Variants in IARS2 observed in about 807,000 individuals in gnomAD.
IARS2 encodes the protein isoleucine--tRNA ligase, mitochondrial.
Under a neutral mutation model 126.3 loss-of-function variants are expected in IARS2, and 56 were observed. That is an observed-to-expected ratio of 0.44 (90% confidence interval 0.36 to 0.55). IARS2 has a LOEUF of 0.55. Among genes scored for constraint, IARS2 ranks in the 20% least tolerant of loss-of-function variants. The pLI is 0.00. For synonymous variants in IARS2, 407 were observed against 441.1 expected, an observed-to-expected ratio of 0.92 and a Z score of 0.97; for missense variants, 1,127 against 1,245.9, an observed-to-expected ratio of 0.90 and a Z score of 1.44.
chr1:220,111,918 G>A (rs991741092), intron 11 of IARS2, among the ~76,000 whole-genome samples: 1 of 151,608 alleles, frequency 6.6e-6, no homozygotes, highest in Non-Finnish European at 1.5e-5. Context: ...TTGCAGCTCT[G>A]CACCGATTTT....
chr1:220,126,863 A>G lies in IARS2; in HGVS notation c.1837+20A>G. 1 of 1,534,244 alleles carries G rather than the reference A, an allele frequency of 6.5e-7. No homozygotes were observed. The highest frequency in any genetic ancestry group is 8.9e-7 in the Non-Finnish European group (1 of 1,119,544). Reference sequence around the variant, plus strand: ...TTCCAGGTAATTCTTAAAAATAGATATATGCCGATCAAGAAGTTTTGAAAA... The same window carrying G: ...TTCCAGGTAATTCTTAAAAATAGATGTATGCCGATCAAGAAGTTTTGAAAA... On this transcript the variant is annotated intron_variant, in intron 14 of 22. Coordinates refer to ENST00000366922, the MANE Select transcript of IARS2 (RefSeq NM_018060.4).
chr1:220,129,161 C>G (rs953832473), intron 14 of IARS2, among the ~76,000 whole-genome samples: 4 of 152,136 alleles, frequency 2.6e-5, no homozygotes, highest in Admixed American at 2.6e-4. Flanking sequence ...GGATTACAGA[C>G]GTGAGCCACC....
At position 220,094,304 on chromosome 1, in the gene IARS2, A is replaced by C; in HGVS notation, c.88A>C (p.Ser30Arg). 6.2e-7 allele frequency: 1 copy of C among 1,612,256 alleles called. No individual in the cohort carries two copies. The highest frequency in any genetic ancestry group is 8.5e-7 in the Non-Finnish European group (1 of 1,179,366). ...GTGGGGGACGCCCCGCCTTCCCTGCAGCCCGGGATGGCAAGGGGCGACGAA... is the reference window on the plus strand; with the variant it reads ...GTGGGGGACGCCCCGCCTTCCCTGCCGCCCGGGATGGCAAGGGGCGACGAA... ...SLWGTPRLPC[S>R]PGWQGATKRL... Residue 30 changes from serine to arginine, a missense_variant, in exon 1 of 23, where the codon AGC becomes CGC. Coordinates refer to ENST00000366922, the MANE Select transcript of IARS2 (RefSeq NM_018060.4).
intron 20 of IARS2, among the ~76,000 whole-genome samples, chr1:220,142,180 A>G (rs568176746): frequency 1.4e-4 from 22 of 152,228 alleles, no homozygotes; most frequent in African/African-American, 5.1e-4. Context: ...TCGAGAAATC[A>G]CCTTTTTTCT....
chr1:220,137,511 G>A (rs1296488430), intron 16 of IARS2: 4 of 157,742 alleles, frequency 2.5e-5, no homozygotes, highest in South Asian at 2.0e-4. Context: ...TTTACTGCCC[G>A]CCTAACATCC....
intron 19 of IARS2, among the ~76,000 whole-genome samples, chr1:220,140,780 C>T (rs892930199): frequency 3.3e-5 from 5 of 151,778 alleles, no homozygotes; most frequent in Admixed American, 6.6e-5. Context: ...GTCAGGAGAT[C>T]GAGACCATCC....
chr1:220,142,685 CTATT>C (rs1305580457), intron 20 of IARS2, among the ~76,000 whole-genome samples: 1 of 151,912 alleles, frequency 6.6e-6, no homozygotes, highest in Non-Finnish European at 1.5e-5. Flanking sequence ...TGGGATATTT[CTATT>C]TATTTTTTTC....
In IARS2 at chr1:220,094,180, G is replaced by C; in HGVS notation, c.-37G>C. ...GGGTCCTGCCCCTTCAAGCTGGGGCGGGAGCGGAGGACCCCGCTCTCAGGG... is the reference window on the plus strand; with the variant it reads ...GGGTCCTGCCCCTTCAAGCTGGGGCCGGAGCGGAGGACCCCGCTCTCAGGG... On this transcript the variant is annotated 5_prime_UTR_variant, in exon 1 of 23. Coordinates refer to ENST00000366922, the MANE Select transcript of IARS2 (RefSeq NM_018060.4). The C allele has an allele frequency of 3.3e-6, 5 of 1,510,462 alleles. No individual in the cohort carries two copies. Among genetic ancestry groups the C allele is most frequent in the Non-Finnish European group, 4.4e-6 (5 of 1,135,166 alleles). The allele number at this position is 1,510,462 out of a possible 1,614,324, so 93.6% of individuals were successfully genotyped here.
intron 12 of IARS2, among the ~76,000 whole-genome samples, chr1:220,115,392 C>G (rs183278405): frequency 4.9e-4 from 73 of 150,390 alleles, no homozygotes; most frequent in Middle Eastern, 3.5e-3. Flanking sequence ...GAAACTCCAT[C>G]TCTACCGAAA....
chr1:220,134,756 TTTG>T (rs923456698), intron 15 of IARS2: 335 of 272,068 alleles, frequency 1.2e-3, no homozygotes, highest in East Asian at 1.8e-3. Context: ...TATGTAGTTC[TTTG>T]TTGTTGTTGT....
chr1:220,136,725 G>T, intron 15 of IARS2, 84 bp from the exon 16 acceptor site: 1 of 561,472 alleles, frequency 1.8e-6, no homozygotes, highest in East Asian at 3.4e-5. Flanking sequence ...GTCAAACTTA[G>T]ATACTCTTTT....
rs763579713 is a variant in IARS2 at position 220,136,915 on chromosome 1, G to A, written c.2049+4G>A. 10 of 1,542,926 alleles carry A rather than the reference G, an allele frequency of 6.5e-6. No individual in the cohort carries two copies. In the Admixed American group the frequency reaches 1.0e-4, roughly 16 times the overall value. On this transcript the variant is annotated splice_donor_region_variant and intron_variant, in intron 16 of 22. Transcript: ENST00000366922. ...TGTTGTCGTTAATGGAGGACAAGTA[G>A]GTGATTCTCTAAAATGTATTTTATT...
intron 11 of IARS2, among the ~76,000 whole-genome samples, chr1:220,111,414 A>T (rs1656796758): frequency 1.3e-5 from 2 of 152,198 alleles, no homozygotes; most frequent in African/African-American, 4.8e-5. Context: ...CAATTAAAAA[A>T]GTTACTGTTC....
chr1:220,121,100 G>GA (rs755803134), intron 12 of IARS2, among the ~76,000 whole-genome samples: 1 of 151,942 alleles, frequency 6.6e-6, no homozygotes, highest in Admixed American at 6.6e-5. Flanking sequence ...ATGTAACAAG[G>GA]AAAAAAATCT....
At chr1:220,132,525 CTTTT>C (rs1368575100) in intron 14 of IARS2, among the ~76,000 whole-genome samples, 5 of 128,968 alleles carry the variant, frequency 3.9e-5, no homozygotes, top group Non-Finnish European at 4.9e-5. Context: ...CTTTCTCTCT[CTTTT>C]TTTTTTTTTT....
At chr1:220,110,180 C>T (rs1409628154) in intron 10 of IARS2, among the ~76,000 whole-genome samples, 2 of 151,854 alleles carry the variant, frequency 1.3e-5, no homozygotes, top group Non-Finnish European at 2.9e-5. Context: ...ACCTCAGCCT[C>T]CCAAGTAGCT....
In IARS2 at chr1:220,102,578, C is replaced by A; in HGVS notation, c.833C>A (p.Pro278His). The A allele has an allele frequency of 6.2e-7, 1 of 1,613,130 alleles. No individual in the cohort carries two copies. Among genetic ancestry groups the A allele is most frequent in the East Asian group, 2.2e-5 (1 of 44,864 alleles). Residue 278 changes from proline (P) to histidine (H), a missense_variant, in exon 6 of 23, where the codon CCT (proline) becomes CAT (histidine). Physicochemically the swap from Pro to His is moderately conservative, Grantham distance 77 (BLOSUM62 -2). Coordinates refer to ENST00000366922, the MANE Select transcript of IARS2 (RefSeq NM_018060.4). ...SIYVKFPLLK[P>H]SPKLASLIDG... is the part of the protein sequence containing the mutation. ...TATGTAAAATTTCCTCTCTTAAAGC[C>A]TTCTCCAAAATTGGCATCTCTTATA...
intron 21 of IARS2, among the ~76,000 whole-genome samples, chr1:220,143,809 G>T (rs1247992724): frequency 6.6e-6 from 1 of 152,156 alleles, no homozygotes; most frequent in Admixed American, 6.5e-5. Context: ...TTATTCTTGG[G>T]ATTTTTAGGG....
intron 14 of IARS2, among the ~76,000 whole-genome samples, chr1:220,130,738 T>C (rs1657243000): frequency 6.6e-6 from 1 of 152,130 alleles, no homozygotes; most frequent in South Asian, 2.1e-4. Context: ...TTTGTATTTT[T>C]AGTAGGGACG....
Sources: gnomAD v4.1 joint callset for allele counts (sites outside exome capture counted in the v4.1 genomes callset) on GRCh38, gnomAD v4.1.1 for gene constraint, MANE v1.5 for transcripts, NCBI Gene and HGNC (gene_info 2026-07-23, HGNC 2026-07-21) for gene names.